LRIG2: variants seen among roughly 807,000 people sequenced by gnomAD.
The protein encoded by LRIG2 is leucine rich repeats and immunoglobulin like domains 2, also known as leucine-rich repeats and immunoglobulin-like domains protein 2.
A neutral mutation model predicts 107.8 loss-of-function variants in LRIG2; 93 were observed. The ratio of observed to expected loss-of-function variants is 0.86; its 90% CI spans 0.73 to 1.03. LRIG2 has a LOEUF of 1.03. LRIG2 is among the 50% of genes least tolerant of loss of function. The pLI is 0.00. For synonymous variants in LRIG2, 471 were observed against 470.6 expected, an observed-to-expected ratio of 1.00 and a Z score of -0.01; for missense variants, 1,226 against 1,296.0, an observed-to-expected ratio of 0.95 and a Z score of 0.83.
chr1:113,122,726 T>C (rs971980073), intron 17 of LRIG2, among the ~76,000 whole-genome samples: 5 of 152,218 alleles, frequency 3.3e-5, no homozygotes, highest in African/African-American at 1.2e-4. Flanking sequence ...GTCTGTTGAC[T>C]ATCAGCATCA....
At position 113,110,364 on chromosome 1, in the gene LRIG2, C is replaced by A; in HGVS notation, c.1600C>A (p.Arg534Ser). 1 of 1,614,078 alleles carries A rather than the reference C, an allele frequency of 6.2e-7. No individual in the cohort carries two copies. Reference sequence around the variant, plus strand: ...TGATTCACCCATGTCCACTGTGTGGCGCAAAGACAGTGAAATCCTGTATGA... The same window carrying A: ...TGATTCACCCATGTCCACTGTGTGGAGCAAAGACAGTGAAATCCTGTATGA... ...SSDSPMSTVWRKDSEILYDVD... is the reference protein window; with the variant it reads ...SSDSPMSTVWSKDSEILYDVD... Residue 534 changes from arginine (R) to serine (S), a missense_variant, in exon 13 of 18, where the codon CGC becomes AGC. Physicochemically the swap from Arg to Ser is moderately radical, Grantham distance 110. Coordinates refer to ENST00000361127, the MANE Select transcript of LRIG2 (RefSeq NM_014813.3).
Position 113,124,339 on chromosome 1 carries a change from A to G in LRIG2, c.*238A>G, listed in dbSNP as rs1655399793. ...TGTGCAGCACCGGCAGAGGGAAGAT[A>G]CGGGGCAAATGTGCTTCCTGATGCT... On this transcript the variant is annotated 3_prime_UTR_variant, in exon 18 of 18. Transcript: ENST00000361127. 7.2e-6 allele frequency: 4 copies of G among 553,336 alleles called. No homozygotes were observed. The East Asian group carries it at 1.3e-4, about 17-fold the overall frequency. The allele number at this position is 553,336 out of a possible 1,614,324, so 34.3% of individuals were successfully genotyped here.
At position 113,114,470 on chromosome 1, in the gene LRIG2, A is replaced by C. The variant is rs1216793; in HGVS notation, c.2124A>C (p.Thr708=). The C allele has an allele frequency of 0.97, 1,565,403 of 1,613,214 alleles. 761,823 individuals carry two copies. Among genetic ancestry groups the C allele is most frequent in the South Asian group, 0.99 (89,660 of 91,016 alleles). Reference sequence around the variant, plus strand: ...GACCCCTGGAGGATAAGACAGTAACACGAGGTGAAACTGCGGTGTTACAGT... The same window carrying C: ...GACCCCTGGAGGATAAGACAGTAACCCGAGGTGAAACTGCGGTGTTACAGT... ...FIRPLEDKTV[T]RGETAVLQCI... is the part of the protein sequence containing the mutation. Residue 708 remains threonine (T), a synonymous_variant, in exon 15 of 18, where the codon ACA becomes ACC. Transcript: ENST00000361127.
intron 14 of LRIG2, 106 bp downstream of exon 14, chr1:113,112,866 T>C (rs1219837819): frequency 2.8e-6 from 3 of 1,079,918 alleles, no homozygotes; most frequent in South Asian, 1.9e-5. Context: ...CTGTGATTCT[T>C]AGATCTTTAT....
rs373577381 is a variant in LRIG2 at position 113,084,264 on chromosome 1, A to G, written c.240-7054A>G. Among the ~76,000 whole-genome samples the G allele has an allele frequency of 6.0e-3, 798 of 132,292 alleles. 5 individuals carry two copies. The highest frequency in any genetic ancestry group is 8.2e-3 in the Non-Finnish European group (532 of 64,738). The allele number at this position is 132,292 out of a possible 152,430, so 86.8% of individuals were successfully genotyped here. On this transcript the variant is annotated intron_variant, in intron 1 of 17. Transcript: ENST00000361127. ...AGAGTCTTGTTCTGTCACCCAGGCTAGAGTGCAGTGGCGCAATCTCGGCTC... is the reference window on the plus strand; with the variant it reads ...AGAGTCTTGTTCTGTCACCCAGGCTGGAGTGCAGTGGCGCAATCTCGGCTC...
At chr1:113,099,244 C>CCTTTTTTTT (rs1553228725) in intron 9 of LRIG2, among the ~76,000 whole-genome samples, 1 of 117,944 alleles carries the variant, frequency 8.5e-6, no homozygotes, top group Non-Finnish European at 1.7e-5. Context: ...TGGTTTTTTT[C>CCTTTTTTTT]TTTTTTTTTT....
chr1:113,077,133 G>T (rs1653014356), intron 1 of LRIG2, among the ~76,000 whole-genome samples: 1 of 151,786 alleles, frequency 6.6e-6, no homozygotes, highest in Non-Finnish European at 1.5e-5. Flanking sequence ...TTTCACTGTA[G>T]ACTGTTAAAT....
chr1:113,077,806 T>C (rs974114685), intron 1 of LRIG2, among the ~76,000 whole-genome samples: 1 of 151,932 alleles, frequency 6.6e-6, no homozygotes, highest in African/African-American at 2.4e-5. Context: ...TACATATGTA[T>C]ACATGTGCCA....
chr1:113,123,763 T>C (rs1199277007), intron 17 of LRIG2, 112 bp from the exon 18 acceptor site: 2 of 684,810 alleles, frequency 2.9e-6, no homozygotes, highest in Non-Finnish European at 5.0e-6. Flanking sequence ...GTGTGTGTGA[T>C]TTCAGTGTCC....
In LRIG2 at chr1:113,091,308, CCT is replaced by C. The variant is rs770233265; in HGVS notation, c.240-7_240-6del. ...GACTAAACTAAGAATGATATTTTGTCCTCTTTCAGGGATTTCAGTCATAATCG... is the reference window on the plus strand; with the variant it reads ...GACTAAACTAAGAATGATATTTTGTCCTTTCAGGGATTTCAGTCATAATCG... On this transcript the variant is annotated splice_region_variant and splice_polypyrimidine_tract_variant and intron_variant, in intron 1 of 17. Transcript: ENST00000361127. 8 of 1,572,548 alleles carry C rather than the reference CCT, an allele frequency of 5.1e-6. No homozygotes were observed. In the East Asian group the frequency reaches 1.1e-4, roughly 22 times the overall value.
intron 8 of LRIG2, among the ~76,000 whole-genome samples, chr1:113,097,089 C>T (rs1049176624): frequency 6.6e-6 from 1 of 151,804 alleles, no homozygotes; most frequent in African/African-American, 2.4e-5. Flanking sequence ...TAGATGGTTG[C>T]TAAAGGCAGT....
intron 4 of LRIG2, 84 bp from the exon 5 acceptor site, chr1:113,094,255 A>T: frequency 1.1e-6 from 1 of 932,792 alleles, no homozygotes; most frequent in Non-Finnish European, 1.6e-6. Context: ...CTGGGGGCTT[A>T]GACATAGATT....
chr1:113,114,690 A>G lies in LRIG2; in HGVS notation c.2344A>G (p.Asn782Asp). 11 of 1,614,082 alleles carry G rather than the reference A, an allele frequency of 6.8e-6. No homozygotes were observed. The highest frequency in any genetic ancestry group is 9.3e-6 in the Non-Finnish European group (11 of 1,180,012). Residue 782 changes from asparagine (N) to aspartate (D), a missense_variant, in exon 15 of 18, where the codon AAT becomes GAT. Around this residue, in one of 3 missense-constraint regions of LRIG2, gnomAD observed 642 missense variants for 712.2 expected, o/e 0.90. Coordinates refer to ENST00000361127, the MANE Select transcript of LRIG2 (RefSeq NM_014813.3). ...GACAGAACGTGGCCACATTTACCTA[A>G]ATGTCATTTCATCCCCCAATTGTGA... The part of the protein sequence containing the change: ...LGTERGHIYL[N>D]VISSPNCDSS...
intron 9 of LRIG2, 64 bp downstream of exon 9, chr1:113,098,849 G>A: frequency 2.1e-6 from 2 of 967,774 alleles, no homozygotes; most frequent in Non-Finnish European, 3.3e-6. Context: ...CTGTAAATAT[G>A]ATTGAATTAT....
intron 17 of LRIG2, 149 bp downstream of exon 17, chr1:113,119,672 G>A: frequency 4.2e-6 from 3 of 722,258 alleles, no homozygotes; most frequent in Non-Finnish European, 6.7e-6. Context: ...ATAAACTATA[G>A]CCAGAGATTT....
At chr1:113,107,512 G>T in intron 11 of LRIG2, 82 bp from the exon 12 acceptor site, 8 of 1,254,784 alleles carry the variant, frequency 6.4e-6, no homozygotes, top group Non-Finnish European at 8.9e-6. Flanking sequence ...TAATGGATAG[G>T]TGTGTGGTAA....
In LRIG2 at chr1:113,119,243, T is replaced by A. The variant is rs763810748; in HGVS notation, c.2691T>A (p.Gly897=). The change falls in exon 17 of 18, where the codon GGT becomes GGA. Residue 897 remains glycine (G), a synonymous_variant. Transcript: ENST00000361127. The part of the protein sequence containing the change: ...YIHKGTDGGT[G]TRVICSDCYD... ...TTTTCTTGTTATTAGGTGGCACTGG[T>A]ACCCGGGTGATTTGCTCAGATTGTT... 20 of 1,609,588 alleles carry A rather than the reference T, an allele frequency of 1.2e-5. No individual in the cohort carries two copies. In the East Asian group the frequency reaches 4.0e-4, roughly 32 times the overall value.
At chr1:113,113,736 T>C (rs922829780) in intron 14 of LRIG2, among the ~76,000 whole-genome samples, 20 of 151,932 alleles carry the variant, frequency 1.3e-4, no homozygotes, top group African/African-American at 4.4e-4. Context: ...CTAATTTTTG[T>C]ATTTTTTTTA....
At chr1:113,077,381 A>G (rs1032932563) in intron 1 of LRIG2, among the ~76,000 whole-genome samples, 1 of 152,132 alleles carries the variant, frequency 6.6e-6, no homozygotes, top group African/African-American at 2.4e-5. Flanking sequence ...ACCTCAGGTG[A>G]TCCGCCCACC....
Sources: allele counts gnomAD v4.1 joint callset (sites outside exome capture counted in the v4.1 genomes callset), GRCh38; gene constraint gnomAD v4.1.1; regional missense constraint gnomAD v4.1.1; transcripts MANE v1.5; gene names NCBI Gene and HGNC (gene_info 2026-07-23, HGNC 2026-07-21).